LVRN: variants seen among roughly 807,000 people sequenced by gnomAD.
LVRN encodes laeverin, also known as aminopeptidase Q.
A neutral mutation model predicts 111.4 loss-of-function variants in LVRN; 99 were observed. That is an observed-to-expected ratio of 0.89 (90% CI 0.76 to 1.05). The LOEUF (loss-of-function observed/expected upper bound fraction) is 1.05, where lower values mean the gene tolerates loss of function less well. Ranked by LOEUF, LVRN falls within the 50% of genes least tolerant of loss-of-function variation. LVRN has a pLI of 0.00. For missense variants in LVRN, 1,414 were observed against 1,206.8 expected, an observed-to-expected ratio of 1.17 and a Z score of -2.54; for synonymous variants, 488 against 449.5, an observed-to-expected ratio of 1.09 and a Z score of -1.08.
rs757471091 is a variant in LVRN, at chr5:116,026,125, G to A, written c.*7G>A. 1 of 1,613,526 alleles carries A rather than the reference G, an allele frequency of 6.2e-7. No individual in the cohort carries two copies. The highest frequency in any genetic ancestry group is 1.7e-5 in the Admixed American group (1 of 59,998). ...GCTAAGGAGAAACACATAGCTTGTGGCTATCTTTCAGCACTCCTCTTGCAT... is the reference window on the plus strand; with the variant it reads ...GCTAAGGAGAAACACATAGCTTGTGACTATCTTTCAGCACTCCTCTTGCAT... On this transcript the variant is annotated 3_prime_UTR_variant, in exon 20 of 20. Coordinates refer to ENST00000357872, the MANE Select transcript of LVRN (RefSeq NM_173800.5).
intron 4 of LVRN, among the ~76,000 whole-genome samples, chr5:115,989,277 C>T (rs966741564): frequency 3.9e-5 from 6 of 152,186 alleles, no homozygotes; most frequent in African/African-American, 7.2e-5. Context: ...GGGCTTTTGG[C>T]AGTTCCTGAG....
At chr5:115,990,167 C>G (rs1747952614) in intron 4 of LVRN, among the ~76,000 whole-genome samples, 1 of 152,156 alleles carries the variant, frequency 6.6e-6, no homozygotes, top group Non-Finnish European at 1.5e-5. Context: ...AATTCACTCT[C>G]AAGTCAAAAG....
At chr5:115,977,442 T>C (rs962252001) in intron 1 of LVRN, among the ~76,000 whole-genome samples, 6 of 152,188 alleles carry the variant, frequency 3.9e-5, no homozygotes, top group Non-Finnish European at 8.8e-5. Context: ...ATGTCTGAAA[T>C]AGTTGTTTTA....
At chr5:115,993,475 C>T (rs865894827) in intron 5 of LVRN, among the ~76,000 whole-genome samples, 4 of 152,200 alleles carry the variant, frequency 2.6e-5, no homozygotes, top group African/African-American at 9.6e-5. Context: ...TTCTAGCTGA[C>T]CTTATGTTTA....
chr5:116,019,646 TAG>T (rs1463168713), intron 18 of LVRN, among the ~76,000 whole-genome samples: 1 of 152,238 alleles, frequency 6.6e-6, no homozygotes, highest in Non-Finnish European at 1.5e-5. Context: ...TTTTAATGTG[TAG>T]AGTTTTTGGT....
intron 1 of LVRN, among the ~76,000 whole-genome samples, chr5:115,965,301 G>T (rs1580372780): frequency 1.3e-5 from 2 of 152,156 alleles, no homozygotes; most frequent in African/African-American, 4.8e-5. Flanking sequence ...GGGGAGTGGG[G>T]AGTTATTGCT....
chr5:115,968,555 C>T (rs2115041), intron 1 of LVRN, among the ~76,000 whole-genome samples: 11,884 of 151,614 alleles, frequency 0.078, 578 homozygotes, highest in East Asian at 0.21. Flanking sequence ...CCTCTTGTCT[C>T]AGCCTCCTGA....
At chr5:116,024,583 G>T (rs563772270) in intron 19 of LVRN, among the ~76,000 whole-genome samples, 1 of 152,134 alleles carries the variant, frequency 6.6e-6, no homozygotes, top group Non-Finnish European at 1.5e-5. Flanking sequence ...CAAAAGCTCC[G>T]CGAATCAAGA....
chr5:116,021,697 T>A (rs537108966), intron 18 of LVRN: 1 of 451,536 alleles, frequency 2.2e-6, no homozygotes, highest in South Asian at 1.6e-5. Flanking sequence ...TCTTTCCTTT[T>A]TAATGCACCC....
Position 115,987,018 on chromosome 5 carries a change from T to C in LVRN, c.979-795T>C, listed in dbSNP as rs1356227568. On this transcript the variant is annotated intron_variant, in intron 3 of 19. Coordinates refer to ENST00000357872, the MANE Select transcript of LVRN (RefSeq NM_173800.5). ...TCTTTAACATTAATGCTGGCAATTC[T>C]ATTAAAAATTACTTACTTTTTTTTT... Among the ~76,000 whole-genome samples the C allele has an allele frequency of 2.6e-5, 4 of 151,784 alleles. No homozygotes were observed. In the South Asian group the frequency reaches 6.3e-4, roughly 24 times the overall value.
chr5:115,976,491 TA>T (rs1488309582), intron 1 of LVRN, among the ~76,000 whole-genome samples: 1 of 152,240 alleles, frequency 6.6e-6, no homozygotes, highest in Non-Finnish European at 1.5e-5. Context: ...CTTTGGGCTT[TA>T]TTTTTACTTT....
chr5:116,011,583 G>C (rs1379448522), intron 14 of LVRN, among the ~76,000 whole-genome samples: 2 of 152,162 alleles, frequency 1.3e-5, no homozygotes, highest in African/African-American at 4.8e-5. Flanking sequence ...GATTTCAAGT[G>C]AATTTCTGGA....
At chr5:115,976,738 A>G (rs183201978) in intron 1 of LVRN, among the ~76,000 whole-genome samples, 10 of 152,144 alleles carry the variant, frequency 6.6e-5, no homozygotes, top group Admixed American at 5.2e-4. Flanking sequence ...ATGTTTCAGC[A>G]TCTTCTCATT....
chr5:116,002,945 T>C (rs1748267776), intron 11 of LVRN, 34 bp downstream of exon 11: 1 of 1,456,462 alleles, frequency 6.9e-7, no homozygotes, highest in Non-Finnish European at 9.5e-7. Context: ...TCTTTATATA[T>C]ATGCATATGT....
At chr5:115,963,378 T>G in intron 1 of LVRN, 66 bp downstream of exon 1, 1 of 1,334,164 alleles carries the variant, frequency 7.5e-7, no homozygotes, top group Non-Finnish European at 1.0e-6. Flanking sequence ...AGGCTGCGGG[T>G]CCAGCTGACT....
intron 1 of LVRN, among the ~76,000 whole-genome samples, chr5:115,978,859 G>A (rs531611080): frequency 6.6e-6 from 1 of 152,140 alleles, no homozygotes; most frequent in Admixed American, 6.5e-5. Flanking sequence ...CTTCTTACTT[G>A]AGCTGGCACT....
rs561610215 is a variant in LVRN at position 115,962,953 on chromosome 5, G to A, written c.336G>A (p.Trp112Ter). ...LVPLHYDLEL[W>*]PQLRPDELPA... ...CGCTGCACTACGATCTGGAGCTGTG[G>A]CCGCAGCTGAGGCCCGACGAGCTTC... The change falls in exon 1 of 20, where the codon TGG becomes TGA. Residue 112 changes from tryptophan (W) to a stop codon, truncating the protein, a stop_gained. Transcript: ENST00000357872. LOFTEE classifies it high-confidence loss of function. The A allele has an allele frequency of 2.5e-5, 40 of 1,613,156 alleles. No homozygotes were observed. The highest frequency in any genetic ancestry group is 3.2e-5 in the Non-Finnish European group (38 of 1,179,846).
intron 15 of LVRN, among the ~76,000 whole-genome samples, chr5:116,012,768 G>T (rs1748518849): frequency 6.6e-6 from 1 of 152,186 alleles, no homozygotes; most frequent in South Asian, 2.1e-4. Flanking sequence ...TGGTGAAGAT[G>T]TACTAAGCAA....
intron 13 of LVRN, among the ~76,000 whole-genome samples, chr5:116,009,692 TA>T (rs1186309318): frequency 3.9e-5 from 6 of 152,142 alleles, no homozygotes; most frequent in African/African-American, 1.4e-4. Flanking sequence ...GAAATAGTGA[TA>T]GAACTAGAAT....
Sources: allele counts gnomAD v4.1 joint callset (sites outside exome capture counted in the v4.1 genomes callset), GRCh38; gene constraint gnomAD v4.1.1; transcripts MANE v1.5; gene names NCBI Gene and HGNC (gene_info 2026-07-23, HGNC 2026-07-21).